ULK4: variants seen among roughly 807,000 people sequenced by gnomAD.
ULK4 encodes inactive serine/threonine-protein kinase ULK4.
ULK4 carries 133 observed loss-of-function variants against 160.6 expected under a neutral mutation model. That is an observed-to-expected ratio of 0.83 (90% CI 0.72 to 0.96). The LOEUF is 0.96. ULK4 is among the 40% of genes least tolerant of loss of function. ULK4 has a pLI of 0.00. For missense variants in ULK4, 1,580 were observed against 1,499.5 expected, an observed-to-expected ratio of 1.05 and a Z score of -0.89; for synonymous variants, 534 against 539.8, an observed-to-expected ratio of 0.99 and a Z score of 0.15.
In ULK4 at chr3:41,859,983, A is replaced by C. The variant is rs372465905; in HGVS notation, c.1656+23891T>G. 1.6e-3 allele frequency among the ~76,000 whole-genome samples: 244 copies of C among 151,648 alleles called. 1 individual carries two copies. The highest frequency in any genetic ancestry group is 5.8e-3 in the African/African-American group (240 of 41,354). ...ACCTCTGGCCCCCAAATTCCTTCTT[A>C]ATTTCTTCACTGACCCACTATTCAG... On this transcript the variant is annotated intron_variant, in intron 17 of 36. Coordinates refer to ENST00000301831, the MANE Select transcript of ULK4 (RefSeq NM_017886.4).
chr3:41,903,015 G>C (rs1166403452), intron 12 of ULK4, among the ~76,000 whole-genome samples: 1 of 152,126 alleles, frequency 6.6e-6, no homozygotes, highest in Non-Finnish European at 1.5e-5. Flanking sequence ...GGAGAACTGA[G>C]GGGACCAGTT....
intron 35 of ULK4, among the ~76,000 whole-genome samples, chr3:41,266,139 C>A (rs1015259036): frequency 2.0e-5 from 3 of 152,210 alleles, no homozygotes; most frequent in African/African-American, 7.2e-5. Context: ...AAGGCTTTGA[C>A]AGGCTGAGTG....
chr3:41,851,352 T>G (rs1367481733), intron 17 of ULK4, among the ~76,000 whole-genome samples: 1 of 152,208 alleles, frequency 6.6e-6, no homozygotes, highest in African/African-American at 2.4e-5. Flanking sequence ...TTTTTGTCTT[T>G]GGTTCTGTTT....
intron 31 of ULK4, among the ~76,000 whole-genome samples, chr3:41,572,042 C>A (rs2087996263): frequency 6.6e-6 from 1 of 152,216 alleles, no homozygotes; most frequent in Non-Finnish European, 1.5e-5. Context: ...TACATCATCT[C>A]ATTCAACCCT....
intron 32 of ULK4, among the ~76,000 whole-genome samples, chr3:41,558,472 AGGT>A (rs780921772): frequency 2.0e-5 from 3 of 152,246 alleles, no homozygotes; most frequent in Non-Finnish European, 4.4e-5. Context: ...TGAGAGGCCA[AGGT>A]GGCAGATCAC....
intron 35 of ULK4, among the ~76,000 whole-genome samples, chr3:41,317,338 G>A (rs1000189839): frequency 1.3e-5 from 2 of 151,944 alleles, no homozygotes; most frequent in Non-Finnish European, 2.9e-5. Flanking sequence ...GCCTCCCAAA[G>A]TGCTGGGGTT....
At chr3:41,960,608 GC>G (rs1413523088) in intron 1 of ULK4, among the ~76,000 whole-genome samples, 3 of 151,994 alleles carry the variant, frequency 2.0e-5, no homozygotes, top group Non-Finnish European at 2.9e-5. Flanking sequence ...CAAGTGATCC[GC>G]CTGCCTCGGC....
intron 31 of ULK4, among the ~76,000 whole-genome samples, chr3:41,568,027 G>A (rs116804740): frequency 0.014 from 2,159 of 152,174 alleles, 42 homozygotes; most frequent in African/African-American, 0.043. Flanking sequence ...GTTTTCCACC[G>A]ATGGCCTTTT....
intron 35 of ULK4, among the ~76,000 whole-genome samples, chr3:41,337,558 T>G (rs1409154279): frequency 2.0e-5 from 3 of 152,088 alleles, no homozygotes; most frequent in Non-Finnish European, 1.5e-5. Context: ...CACACACGCA[T>G]GTGCACACAA....
intron 35 of ULK4, among the ~76,000 whole-genome samples, chr3:41,368,685 A>G (rs1318297484): frequency 6.6e-6 from 1 of 152,206 alleles, no homozygotes; most frequent in African/African-American, 2.4e-5. Context: ...TAATGTTTCC[A>G]AGGTCCATCC....
intron 34 of ULK4, among the ~76,000 whole-genome samples, chr3:41,408,018 T>A (rs575065918): frequency 2.6e-5 from 4 of 152,028 alleles, no homozygotes; most frequent in African/African-American, 9.7e-5. Context: ...TATACAAAAA[T>A]CAATTGTATT....
chr3:41,793,188 C>A (rs200133544), intron 20 of ULK4, among the ~76,000 whole-genome samples: 4 of 145,134 alleles, frequency 2.8e-5, no homozygotes, highest in Admixed American at 6.8e-5. Flanking sequence ...AAAAAACCAA[C>A]AAAAAAAAAA....
chr3:41,374,012 T>C (rs1034226231), intron 35 of ULK4, among the ~76,000 whole-genome samples: 4 of 152,180 alleles, frequency 2.6e-5, no homozygotes, highest in Non-Finnish European at 5.9e-5. Flanking sequence ...TAAACACCTC[T>C]ACGCAAATAA....
chr3:41,642,410 A>C (rs186762126), intron 30 of ULK4, among the ~76,000 whole-genome samples: 3 of 151,972 alleles, frequency 2.0e-5, no homozygotes, highest in Non-Finnish European at 4.4e-5. Context: ...TCATTGTTCA[A>C]TTCCCACCTA....
At chr3:41,689,472 G>A (rs1451794339) in intron 27 of ULK4, among the ~76,000 whole-genome samples, 2 of 152,064 alleles carry the variant, frequency 1.3e-5, no homozygotes, top group Admixed American at 6.5e-5. Flanking sequence ...TCTCTGCACA[G>A]CAAAAGAAAC....
Position 41,557,256 on chromosome 3 carries a change from C to T in ULK4, c.3226+8769G>A, listed in dbSNP as rs553932734. Among the ~76,000 whole-genome samples the T allele has an allele frequency of 1.3e-3, 201 of 151,590 alleles. 2 individuals are homozygous for T. The Middle Eastern group carries it at 0.024, about 18-fold the overall frequency. On this transcript the variant is annotated intron_variant, in intron 32 of 36. Coordinates refer to ENST00000301831, the MANE Select transcript of ULK4 (RefSeq NM_017886.4). ...AGAAAAAAAGATCCTCAGACAAATC[C>T]AAGACATCTACCCCACTCTATTTGA...
At chr3:41,768,169 C>T (rs2039230105) in intron 21 of ULK4, among the ~76,000 whole-genome samples, 1 of 152,118 alleles carries the variant, frequency 6.6e-6, no homozygotes, top group African/African-American at 2.4e-5. Context: ...CATCCCAAAA[C>T]CACCTCCCCA....
intron 31 of ULK4, among the ~76,000 whole-genome samples, chr3:41,597,051 C>G (rs1196034376): frequency 6.6e-6 from 1 of 152,104 alleles, no homozygotes; most frequent in African/African-American, 2.4e-5. Context: ...GTGGTCAGGA[C>G]AGAGAACAGG....
At chr3:41,475,806 T>C (rs2084124015) in intron 32 of ULK4, among the ~76,000 whole-genome samples, 1 of 152,126 alleles carries the variant, frequency 6.6e-6, no homozygotes. Context: ...CCACATACCA[T>C]GTAAGTGTAG....
Sources: allele counts gnomAD v4.1 joint callset (sites outside exome capture counted in the v4.1 genomes callset), GRCh38; gene constraint gnomAD v4.1.1; transcripts MANE v1.5; gene names NCBI Gene and HGNC (gene_info 2026-07-23, HGNC 2026-07-21).